Variants in DNAH11 observed in about 807,000 individuals in gnomAD.
DNAH11 encodes axonemal beta dynein heavy chain 11.
Under a neutral mutation model 526.0 loss-of-function variants are expected in DNAH11, and 442 were observed. That is an observed-to-expected ratio of 0.84 (90% CI 0.78 to 0.91). The LOEUF (loss-of-function observed/expected upper bound fraction) is 0.91, where lower values mean the gene tolerates loss of function less well. Ranked by LOEUF, DNAH11 falls within the 40% of genes least tolerant of loss-of-function variation. The pLI, the probability that DNAH11 is intolerant of heterozygous loss-of-function variation, is 0.00. For synonymous variants in DNAH11, 2,461 were observed against 1,935.9 expected (o/e 1.27, Z -7.12); for missense variants, 6,989 against 5,448.7 (o/e 1.28, Z -8.90).
Position 21,873,389 on chromosome 7 carries a change from C to G in DNAH11, c.12083C>G (p.Pro4028Arg). ...VFMSAESAPTPDEHIIPQGLL... is the reference protein window; with the variant it reads ...VFMSAESAPTRDEHIIPQGLL... Reference sequence around the variant, plus strand: ...ATGAGTGCTGAGTCTGCACCTACACCAGATGAGCATATCATCCCTCAAGGA... The same window carrying G: ...ATGAGTGCTGAGTCTGCACCTACACGAGATGAGCATATCATCCCTCAAGGA... Residue 4028 changes from proline (P) to arginine (R), a missense_variant, in exon 74 of 82, where the codon CCA becomes CGA. Pro to Arg is a moderately radical substitution (Grantham distance 103). Coordinates refer to ENST00000409508, the MANE Select transcript of DNAH11 (RefSeq NM_001277115.2). 1 of 1,613,934 alleles carries G rather than the reference C, an allele frequency of 6.2e-7. No homozygotes were observed. Among genetic ancestry groups the G allele is most frequent in the Non-Finnish European group, 8.5e-7 (1 of 1,179,834 alleles).
chr7:21,755,610 C>A (rs1034509023), intron 54 of DNAH11, among the ~76,000 whole-genome samples: 1 of 151,984 alleles, frequency 6.6e-6, no homozygotes, highest in Non-Finnish European at 1.5e-5. Context: ...TTAAATTACC[C>A]TTAATAATAT....
Position 21,864,597 on chromosome 7 carries a change from T to C in DNAH11, c.11436T>C (p.Val3812=). ...TGGATTTCCTGCTTCGATTCACAGT[T>C]GAACACACTCATCTGAGTCCCGTTG... The part of the protein sequence containing the change: ...LELDFLLRFT[V]EHTHLSPVDF... Residue 3812 remains valine (V), a synonymous_variant, in exon 70 of 82, where the codon GTT becomes GTC. Coordinates refer to ENST00000409508, the MANE Select transcript of DNAH11 (RefSeq NM_001277115.2). The C allele has an allele frequency of 6.2e-7, 1 of 1,611,462 alleles. No homozygotes were observed. Among genetic ancestry groups the C allele is most frequent in the Non-Finnish European group, 8.5e-7 (1 of 1,178,672 alleles).
At chr7:21,859,337 C>A (rs1249984961) in intron 68 of DNAH11, among the ~76,000 whole-genome samples, 4 of 152,170 alleles carry the variant, frequency 2.6e-5, no homozygotes, top group African/African-American at 9.7e-5. Context: ...TGGTCTCAAA[C>A]TCCTGAACTC....
intron 23 of DNAH11, among the ~76,000 whole-genome samples, chr7:21,618,849 A>G (rs1185067887): frequency 6.6e-6 from 1 of 152,194 alleles, no homozygotes; most frequent in Non-Finnish European, 1.5e-5. Flanking sequence ...CGACAAGGGA[A>G]AGATGTGAAA....
chr7:21,715,857 C>A (rs1418574677), intron 42 of DNAH11, among the ~76,000 whole-genome samples: 3 of 110,708 alleles, frequency 2.7e-5, no homozygotes, highest in African/African-American at 1.5e-4. Context: ...TATCTGATTT[C>A]CCCCTCCCAC....
At chr7:21,735,106 G>A (rs1304597081) in intron 45 of DNAH11, among the ~76,000 whole-genome samples, 1 of 152,054 alleles carries the variant, frequency 6.6e-6, no homozygotes, top group Non-Finnish European at 1.5e-5. Flanking sequence ...GGAAGTCGAG[G>A]CTGCAGTGAG....
chr7:21,700,276 A>G (rs1266739024), intron 36 of DNAH11, among the ~76,000 whole-genome samples: 2 of 152,182 alleles, frequency 1.3e-5, no homozygotes, highest in African/African-American at 4.8e-5. Flanking sequence ...AAATGTCACA[A>G]ATGAGCAAAA....
In DNAH11 at chr7:21,854,334, A is replaced by G; in HGVS notation, c.11081A>G (p.Asn3694Ser). 1 of 1,613,842 alleles carries G rather than the reference A, an allele frequency of 6.2e-7. No individual in the cohort carries two copies. The highest frequency in any genetic ancestry group is 8.5e-7 in the Non-Finnish European group (1 of 1,179,844). ...CCATAGGTGATTGAAGCCAAAGAAA[A>G]TGAAAGAAAAATCAACGAGGCCCGA... ...IEHKVIEAKE[N>S]ERKINEAREC... is the part of the protein sequence containing the mutation. The change falls in exon 68 of 82, where the codon AAT becomes AGT. Residue 3694 changes from asparagine (N) to serine (S), a missense_variant. Transcript: ENST00000409508.
chr7:21,608,866 T>C (rs1377051488), intron 20 of DNAH11, among the ~76,000 whole-genome samples: 4 of 152,206 alleles, frequency 2.6e-5, no homozygotes, highest in African/African-American at 7.2e-5. Flanking sequence ...ACAGGAATAT[T>C]TTGAATGTAG....
intron 66 of DNAH11, chr7:21,851,344 G>C (rs1583772229): frequency 3.6e-6 from 1 of 276,736 alleles, no homozygotes; most frequent in Non-Finnish European, 7.2e-6. Context: ...TGCCTCCCCA[G>C]CTATACGGAA....
intron 53 of DNAH11, 44 bp from the exon 54 acceptor site, chr7:21,750,178 A>C (rs1352332800): frequency 1.3e-6 from 2 of 1,524,658 alleles, no homozygotes; most frequent in Non-Finnish European, 1.8e-6. Context: ...GTAAAATTTA[A>C]ATTGCAATGA....
In DNAH11 at chr7:21,811,341, G is replaced by A. The variant is rs543168447; in HGVS notation, c.10332+3292G>A. ...CGTGGTGGTGGGTGCCTGTAATCCA[G>A]GCTATTCAGGAGGCTGAGGCAGGAG... On this transcript the variant is annotated intron_variant, in intron 63 of 81. Coordinates refer to ENST00000409508, the MANE Select transcript of DNAH11 (RefSeq NM_001277115.2). Among the ~76,000 whole-genome samples the A allele has an allele frequency of 4.6e-5, 7 of 151,900 alleles. No individual in the cohort carries two copies. The South Asian group carries it at 1.5e-3, about 32-fold the overall frequency.
At chr7:21,845,387 G>A (rs1782380525) in intron 66 of DNAH11, among the ~76,000 whole-genome samples, 1 of 152,040 alleles carries the variant, frequency 6.6e-6, no homozygotes, top group African/African-American at 2.4e-5. Flanking sequence ...ATTTTTGTAC[G>A]TGGTGTGAAG....
rs148943827 is a variant in DNAH11 at position 21,802,936 on chromosome 7, CTATATA to C, written c.10165+1668_10165+1673del. 6.0e-5 allele frequency among the ~76,000 whole-genome samples: 9 copies of C among 149,096 alleles called. No homozygotes were observed. In the South Asian group the frequency reaches 1.7e-3, roughly 28 times the overall value. On this transcript the variant is annotated intron_variant, in intron 62 of 81. Transcript: ENST00000409508. Reference sequence around the variant, plus strand: ...AGCTAGAGGAGATAATTGTGCAAGTCTATATATATATAATATATATATATAATGTAG... The same window carrying C: ...AGCTAGAGGAGATAATTGTGCAAGTCTATATAATATATATATATAATGTAG...
chr7:21,768,439 C>A (rs757011522), intron 55 of DNAH11, among the ~76,000 whole-genome samples: 1 of 152,186 alleles, frequency 6.6e-6, no homozygotes, highest in Non-Finnish European at 1.5e-5. Context: ...GGAGAAGTTA[C>A]TGAATGGAAA....
intron 45 of DNAH11, among the ~76,000 whole-genome samples, chr7:21,733,004 C>A (rs967805972): frequency 1.3e-5 from 2 of 152,086 alleles, no homozygotes; most frequent in Non-Finnish European, 2.9e-5. Context: ...TCACATCCTG[C>A]AGGAGCCAGG....
intron 2 of DNAH11, among the ~76,000 whole-genome samples, chr7:21,554,975 C>A (rs1783159873): frequency 6.6e-6 from 1 of 152,162 alleles, no homozygotes; most frequent in African/African-American, 2.4e-5. Context: ...CTCCTGCTGC[C>A]CCTTGATTTT....
At chr7:21,629,296 A>G (rs984503251) in intron 25 of DNAH11, among the ~76,000 whole-genome samples, 2 of 152,082 alleles carry the variant, frequency 1.3e-5, no homozygotes, top group African/African-American at 4.8e-5. Context: ...ACTTTTTAGA[A>G]TTTTTTGAAA....
intron 30 of DNAH11, among the ~76,000 whole-genome samples, chr7:21,662,308 A>T (rs1454189234): frequency 6.6e-6 from 1 of 152,142 alleles, no homozygotes; most frequent in Non-Finnish European, 1.5e-5. Flanking sequence ...ATTTTGTAAC[A>T]TGTGTGCCTA....
Sources: allele counts gnomAD v4.1 joint callset (sites outside exome capture counted in the v4.1 genomes callset), GRCh38; gene constraint gnomAD v4.1.1; transcripts MANE v1.5; gene names NCBI Gene and HGNC (gene_info 2026-07-23, HGNC 2026-07-21).